Variants in UBE2E3 observed in about 807,000 individuals in gnomAD.
UBE2E3 encodes ubiquitin-conjugating enzyme E2 E3.
Under a neutral mutation model 23.6 loss-of-function variants are expected in UBE2E3, and 5 were observed. The observed-to-expected ratio is 0.21, with a 90% CI of 0.11 to 0.44. The LOEUF (loss-of-function observed/expected upper bound fraction) is 0.44. Among genes scored for constraint, UBE2E3 ranks in the 20% least tolerant of loss-of-function variants. The pLI, the probability that UBE2E3 is intolerant of heterozygous loss-of-function variation, is 0.99. For missense variants in UBE2E3, 81 were observed against 249.8 expected, an observed-to-expected ratio of 0.32 and a Z score of 4.55; for synonymous variants, 78 against 87.5, an observed-to-expected ratio of 0.89 and a Z score of 0.60.
intron 3 of UBE2E3, among the ~76,000 whole-genome samples, chr2:180,985,302 A>G (rs1684424290): frequency 6.6e-6 from 1 of 152,180 alleles, no homozygotes; most frequent in African/African-American, 2.4e-5. Context: ...CACTTGCCAC[A>G]TGTGGCTATT....
At chr2:180,998,508 T>C (rs1684898556) in intron 3 of UBE2E3, among the ~76,000 whole-genome samples, 1 of 150,910 alleles carries the variant, frequency 6.6e-6, no homozygotes, top group Non-Finnish European at 1.5e-5. Flanking sequence ...TCTGTGATGC[T>C]ATGGAAGAAC....
intron 3 of UBE2E3, among the ~76,000 whole-genome samples, chr2:181,032,470 A>C (rs1373485715): frequency 2.0e-5 from 3 of 152,226 alleles, no homozygotes; most frequent in Non-Finnish European, 4.4e-5. Flanking sequence ...AGCGTGGATA[A>C]GATAATGAAG....
chr2:181,015,085 CTTAA>C (rs1685446160), intron 3 of UBE2E3, among the ~76,000 whole-genome samples: 1 of 150,844 alleles, frequency 6.6e-6, no homozygotes. Flanking sequence ...TTGTTTTTTT[CTTAA>C]TTAATATTTT....
At chr2:180,991,434 T>C (rs1294066468) in intron 3 of UBE2E3, among the ~76,000 whole-genome samples, 1 of 152,180 alleles carries the variant, frequency 6.6e-6, no homozygotes, top group Non-Finnish European at 1.5e-5. Flanking sequence ...TTGGAGCCAT[T>C]GTTAAGTAAA....
chr2:181,039,774 G>T (rs1310162373), intron 3 of UBE2E3, among the ~76,000 whole-genome samples: 1 of 152,164 alleles, frequency 6.6e-6, no homozygotes, highest in Non-Finnish European at 1.5e-5. Context: ...ATCCTTGGGG[G>T]ATTGGTTCTG....
At position 180,987,776 on chromosome 2, in the gene UBE2E3, C is replaced by T. The variant is rs867722503; in HGVS notation, c.245+3683C>T. Among the ~76,000 whole-genome samples, 9 of 152,240 alleles carry T rather than the reference C, an allele frequency of 5.9e-5. No homozygotes were observed. In the Middle Eastern group the frequency reaches 0.01, roughly 173 times the overall value. On this transcript the variant is annotated intron_variant, in intron 3 of 5. Transcript: ENST00000410062. ...TGCTTTCTTCTGAGGGTTGCTACCA[C>T]TTTCCATCATTTTCTAGGGCGGACT...
At chr2:181,052,626 A>AT (rs112717611) in intron 3 of UBE2E3, among the ~76,000 whole-genome samples, 6,036 of 151,906 alleles carry the variant, frequency 0.04, 329 homozygotes, top group East Asian at 0.19. Context: ...ACTTTCACAC[A>AT]TTTTAACACC....
chr2:180,984,202 C>T, intron 3 of UBE2E3, 109 bp downstream of exon 3: 1 of 943,002 alleles, frequency 1.1e-6, no homozygotes, highest in Non-Finnish European at 1.6e-6. Context: ...TGCTTCTTTA[C>T]AGCTTTGCAA....
At chr2:181,030,447 A>G (rs11898506) in intron 3 of UBE2E3, among the ~76,000 whole-genome samples, 16 of 152,120 alleles carry the variant, frequency 1.1e-4, no homozygotes, top group African/African-American at 3.1e-4. Context: ...GGCAATATAT[A>G]TTATCTTTTT....
chr2:181,052,907 C>T (rs1383367763), intron 3 of UBE2E3, among the ~76,000 whole-genome samples: 1 of 151,718 alleles, frequency 6.6e-6, no homozygotes, highest in Non-Finnish European at 1.5e-5. Context: ...TTTCTTTTAT[C>T]CTTACCTCCC....
At chr2:181,030,902 T>C (rs1559128052) in intron 3 of UBE2E3, among the ~76,000 whole-genome samples, 1 of 152,120 alleles carries the variant, frequency 6.6e-6, no homozygotes, top group Non-Finnish European at 1.5e-5. Context: ...GACCCAAAAA[T>C]TTAAAAAAAA....
intron 3 of UBE2E3, among the ~76,000 whole-genome samples, chr2:181,040,088 A>T (rs1384085622): frequency 6.6e-6 from 1 of 152,208 alleles, no homozygotes; most frequent in Non-Finnish European, 1.5e-5. Context: ...GTAGCTAATA[A>T]TTATTTTAAG....
intron 3 of UBE2E3, among the ~76,000 whole-genome samples, chr2:181,034,318 A>T (rs1404936128): frequency 6.6e-6 from 1 of 152,254 alleles, no homozygotes; most frequent in Admixed American, 6.5e-5. Context: ...AAAATGTGGC[A>T]CATATACACC....
At chr2:181,056,056 C>A (rs1686979413) in intron 3 of UBE2E3, among the ~76,000 whole-genome samples, 1 of 143,222 alleles carries the variant, frequency 7.0e-6, no homozygotes, top group Non-Finnish European at 1.5e-5. Flanking sequence ...GGATGGGATT[C>A]CTTATGCCAA....
At chr2:181,022,797 C>T (rs1241766358) in intron 3 of UBE2E3, among the ~76,000 whole-genome samples, 1 of 152,042 alleles carries the variant, frequency 6.6e-6, no homozygotes, top group Non-Finnish European at 1.5e-5. Flanking sequence ...CAGAGTGCTG[C>T]CTTGTTCAAC....
At chr2:181,032,974 G>C (rs1007696534) in intron 3 of UBE2E3, among the ~76,000 whole-genome samples, 2 of 151,972 alleles carry the variant, frequency 1.3e-5, no homozygotes, top group Non-Finnish European at 2.9e-5. Context: ...ACTTACAAGG[G>C]ATATGAAGGA....
chr2:181,027,329 G>A (rs999435685), intron 3 of UBE2E3, among the ~76,000 whole-genome samples: 3 of 151,846 alleles, frequency 2.0e-5, no homozygotes, highest in Admixed American at 6.6e-5. Context: ...TTGCTTTTCT[G>A]TATAAGAGAC....
At chr2:181,008,487 T>G (rs889860940) in intron 3 of UBE2E3, among the ~76,000 whole-genome samples, 7 of 152,240 alleles carry the variant, frequency 4.6e-5, no homozygotes, top group African/African-American at 1.2e-4. Context: ...AAAGTGGTCA[T>G]AGATGCTTCG....
chr2:181,051,977 G>C (rs1326182366), intron 3 of UBE2E3, among the ~76,000 whole-genome samples: 2 of 151,786 alleles, frequency 1.3e-5, no homozygotes. Context: ...TGAAGACACT[G>C]GATACATTTC....
Sources: gnomAD v4.1 joint callset for allele counts (sites outside exome capture counted in the v4.1 genomes callset) on GRCh38, gnomAD v4.1.1 for gene constraint, MANE v1.5 for transcripts, NCBI Gene and HGNC (gene_info 2026-07-23, HGNC 2026-07-21) for gene names.